PALM2AKAP2: variants seen among roughly 807,000 people sequenced by gnomAD.
The protein encoded by PALM2AKAP2 is PALM2-AKAP2 fusion protein.
In PALM2AKAP2, 37 loss-of-function variants were observed where a neutral mutation model predicts 71.5. The ratio of observed to expected loss-of-function variants is 0.52; its 90% CI spans 0.40 to 0.68. The LOEUF is 0.68. Ranked by LOEUF, PALM2AKAP2 falls within the 30% of genes least tolerant of loss-of-function variation. The probability of loss-of-function intolerance (pLI) is 0.00; values close to 1 mark genes in which losing one functional copy is unlikely to be tolerated. For missense variants in PALM2AKAP2, 1,224 were observed against 1,191.8 expected, an observed-to-expected ratio of 1.03 and a Z score of -0.40; for synonymous variants, 468 against 478.8, an observed-to-expected ratio of 0.98 and a Z score of 0.29.
intron 1 of PALM2AKAP2, among the ~76,000 whole-genome samples, chr9:109,727,598 T>C (rs1279423379): frequency 2.0e-5 from 3 of 152,194 alleles, no homozygotes; most frequent in African/African-American, 7.2e-5. Flanking sequence ...AGAATGAGTC[T>C]TTTTTCAGGA....
chr9:109,731,359 A>G (rs1244384802), intron 1 of PALM2AKAP2, among the ~76,000 whole-genome samples: 1 of 152,214 alleles, frequency 6.6e-6, no homozygotes, highest in Non-Finnish European at 1.5e-5. Context: ...TTAGTTCTCA[A>G]CAAATTCATT....
At chr9:110,005,342 A>G (rs141087125) in intron 6 of PALM2AKAP2, among the ~76,000 whole-genome samples, 1 of 152,218 alleles carries the variant, frequency 6.6e-6, no homozygotes, top group Non-Finnish European at 1.5e-5. Context: ...AGAACAGCAG[A>G]TATTGGTGAA....
chr9:109,973,190 A>C (rs567645972), intron 6 of PALM2AKAP2, among the ~76,000 whole-genome samples: 1 of 152,342 alleles, frequency 6.6e-6, no homozygotes, highest in African/African-American at 2.4e-5. Context: ...TACCCAAAAG[A>C]ATCAAAAGCA....
chr9:110,001,552 A>C (rs1253386394), intron 6 of PALM2AKAP2, among the ~76,000 whole-genome samples: 2 of 152,184 alleles, frequency 1.3e-5, no homozygotes, highest in South Asian at 4.1e-4. Context: ...TCCGTGAATA[A>C]AGTCATTGGT....
chr9:110,001,811 T>C (rs1832686286), intron 6 of PALM2AKAP2, among the ~76,000 whole-genome samples: 1 of 152,216 alleles, frequency 6.6e-6, no homozygotes, highest in South Asian at 2.1e-4. Context: ...TTTGGCTCTC[T>C]GTTTGTCTGT....
At chr9:109,831,437 C>G (rs1052575104) in intron 1 of PALM2AKAP2, among the ~76,000 whole-genome samples, 1 of 142,016 alleles carries the variant, frequency 7.0e-6, no homozygotes, top group East Asian at 2.1e-4. Flanking sequence ...ACACTTGACA[C>G]CCCTAGGCTA....
chr9:110,164,988 G>A (rs73655316), intron 3 of PALM2AKAP2, among the ~76,000 whole-genome samples: 8,254 of 152,194 alleles, frequency 0.054, 601 homozygotes, highest in African/African-American at 0.16. Flanking sequence ...TGCACCCAGA[G>A]TGCAGAGTTC....
intron 1 of PALM2AKAP2, among the ~76,000 whole-genome samples, chr9:110,105,137 AATGGTTAGTT>A (rs773912076): frequency 6.6e-6 from 1 of 152,184 alleles, no homozygotes; most frequent in Non-Finnish European, 1.5e-5. Context: ...TATATGTTTT[AATGGTTAGTT>A]TTCTAAAGAG....
chr9:109,652,367 A>G (rs1587854614), intron 1 of PALM2AKAP2, among the ~76,000 whole-genome samples: 1 of 152,192 alleles, frequency 6.6e-6, no homozygotes. Context: ...TGTTTAACAG[A>G]GCCTGGCACC....
chr9:110,142,085 T>G (rs1384183419), intron 2 of PALM2AKAP2, among the ~76,000 whole-genome samples: 1 of 148,972 alleles, frequency 6.7e-6, no homozygotes, highest in Non-Finnish European at 1.5e-5. Flanking sequence ...TTTTTTTTTT[T>G]TTTTGAGGCA....
rs1832979219 is a variant in PALM2AKAP2, at chr9:110,016,250, C to T, written c.582+211C>T. Among the ~76,000 whole-genome samples, 4 of 152,140 alleles carry T rather than the reference C, an allele frequency of 2.6e-5. No individual in the cohort carries two copies. In the South Asian group the frequency reaches 6.2e-4, roughly 24 times the overall value. On this transcript the variant is annotated intron_variant, in intron 7 of 9. Coordinates refer to the PALM2AKAP2 transcript ENST00000302798. ...GCCGTACCACCCTGAATATGCCCGA[C>T]CTCGTCTGAAACTTGGGATCTGGAT...
chr9:109,789,937 A>G (rs1291948340), intron 1 of PALM2AKAP2, among the ~76,000 whole-genome samples: 3 of 152,232 alleles, frequency 2.0e-5, no homozygotes, highest in Non-Finnish European at 4.4e-5. Flanking sequence ...AGACAAGACT[A>G]CACCCTATTT....
In PALM2AKAP2 at chr9:110,137,674, G is replaced by A. The variant is rs115422036; in HGVS notation, c.1704G>A (p.Ser568=). 403 of 1,613,906 alleles carry A rather than the reference G, an allele frequency of 2.5e-4. 3 individuals carry two copies. The African/African-American group carries it at 4.7e-3, about 19-fold the overall frequency. ...TTGACTCTGGTCTGGACGAATTGTC[G>A]GTGAGGTCTCAGGATACCACAGTCC... The change falls in exon 2 of 4, where the codon TCG becomes TCA. Residue 568 remains serine, a synonymous_variant. Coordinates refer to ENST00000374525, the Ensembl canonical transcript of PALM2AKAP2.
intron 3 of PALM2AKAP2, among the ~76,000 whole-genome samples, chr9:109,889,813 G>T (rs770549164): frequency 1.3e-5 from 2 of 152,128 alleles, no homozygotes; most frequent in Non-Finnish European, 2.9e-5. Flanking sequence ...CCAGAACTAT[G>T]AAAATAGTAG....
intron 1 of PALM2AKAP2, among the ~76,000 whole-genome samples, chr9:109,750,504 G>A (rs1370166214): frequency 6.6e-6 from 1 of 151,888 alleles, no homozygotes; most frequent in Non-Finnish European, 1.5e-5. Context: ...AATTAGAATG[G>A]TCAAGGGTGG....
At chr9:109,668,984 G>A (rs1827533602) in intron 1 of PALM2AKAP2, among the ~76,000 whole-genome samples, 1 of 152,154 alleles carries the variant, frequency 6.6e-6, no homozygotes, top group Non-Finnish European at 1.5e-5. Context: ...AAATTCTATG[G>A]GGTGGAAAAG....
At chr9:110,109,921 GGA>G (rs1317878704) in intron 1 of PALM2AKAP2, among the ~76,000 whole-genome samples, 1 of 152,194 alleles carries the variant, frequency 6.6e-6, no homozygotes, top group Non-Finnish European at 1.5e-5. Flanking sequence ...TCAGTATGTT[GGA>G]GAGAGGGACT....
At chr9:109,667,294 C>G (rs1436226410) in intron 1 of PALM2AKAP2, among the ~76,000 whole-genome samples, 3 of 152,140 alleles carry the variant, frequency 2.0e-5, no homozygotes, top group African/African-American at 7.2e-5. Flanking sequence ...ACAGACACCA[C>G]CCTACTGACA....
intron 6 of PALM2AKAP2, chr9:109,943,150 G>A (rs775951398): frequency 8.1e-6 from 13 of 1,614,112 alleles, no homozygotes; most frequent in Admixed American, 5.0e-5. Flanking sequence ...CCAAAATATC[G>A]AGGATGAAGA....
Sources: allele counts gnomAD v4.1 joint callset (sites outside exome capture counted in the v4.1 genomes callset), GRCh38; gene constraint gnomAD v4.1.1; transcripts MANE v1.5; gene names NCBI Gene and HGNC (gene_info 2026-07-23, HGNC 2026-07-21).